The following CYP4Z1 variants were observed in gnomAD, a reference collection of about 807,000 sequenced individuals.
The protein encoded by CYP4Z1 is cytochrome P450 family 4 subfamily Z member 1.
In CYP4Z1, 41 loss-of-function variants were observed where a neutral mutation model predicts 54.2. The observed-to-expected ratio is 0.76, with a 90% confidence interval of 0.59 to 0.98. The LOEUF is 0.98. CYP4Z1 is among the 50% of genes least tolerant of loss of function. CYP4Z1 has a pLI of 0.00. For missense variants in CYP4Z1, 513 were observed against 599.0 expected, an observed-to-expected ratio of 0.86 and a Z score of 1.50; for synonymous variants, 163 against 206.2, an observed-to-expected ratio of 0.79 and a Z score of 1.79.
chr1:47,064,660 C>A (rs1229576670), upstream of CYP4Z1, among the ~76,000 whole-genome samples: 2 of 151,960 alleles, frequency 1.3e-5, no homozygotes, highest in East Asian at 3.9e-4. Flanking sequence ...GTTATTCAGG[C>A]AACAAATAGC....
At chr1:47,066,435 A>G (rs1644451639), upstream of CYP4Z1, among the ~76,000 whole-genome samples, 1 of 152,232 alleles carries the variant, frequency 6.6e-6, no homozygotes, top group Admixed American at 6.5e-5. Flanking sequence ...TCATCTCAAT[A>G]GCTGCAGAAA....
In CYP4Z1 at chr1:47,100,266, A is replaced by G. The variant is rs140792707; in HGVS notation, c.1067+982A>G. On this transcript the variant is annotated intron_variant, in intron 8 of 11. Coordinates refer to ENST00000334194, the MANE Select transcript of CYP4Z1 (RefSeq NM_178134.3). ...CCTATATCCATTCTAGTGTTGATGA[A>G]CATTTAGGCTATTCTCAGGTTTTGT... 4.7e-3 allele frequency among the ~76,000 whole-genome samples: 721 copies of G among 152,278 alleles called. 6 individuals are homozygous for G. The highest frequency in any genetic ancestry group is 0.016 in the African/African-American group (678 of 41,562).
At chr1:47,107,141 A>G (rs536720972) in intron 9 of CYP4Z1, among the ~76,000 whole-genome samples, 7 of 152,344 alleles carry the variant, frequency 4.6e-5, no homozygotes, top group Non-Finnish European at 7.3e-5. Context: ...CTTACTAGGG[A>G]CTAAGCATTG....
chr1:47,058,083 T>G, the CYP4Z1 span, among the ~76,000 whole-genome samples: 1 of 152,188 alleles, frequency 6.6e-6, no homozygotes, highest in African/African-American at 2.4e-5. Context: ...TGAATCAAAT[T>G]AACTTACTGT....
chr1:47,057,335 A>AAAAAAAAAAAAT, the CYP4Z1 span, among the ~76,000 whole-genome samples: 122 of 28,410 alleles, frequency 4.3e-3, 2 homozygotes, highest in Non-Finnish European at 7.2e-3. Flanking sequence ...AAGAAAAAAA[A>AAAAAAAAAAAAT]ATATATATAT....
the CYP4Z1 span, among the ~76,000 whole-genome samples, chr1:47,058,164 G>A: frequency 1.3e-5 from 2 of 152,028 alleles, no homozygotes; most frequent in African/African-American, 4.8e-5. Context: ...TTCTCTCTAT[G>A]AAATAAATTA....
At position 47,068,865 on chromosome 1, in the gene CYP4Z1, T is replaced by C. The variant is rs1644471830; in HGVS notation, c.319+102T>C. 2.8e-6 allele frequency: 4 copies of C among 1,446,368 alleles called. No homozygotes were observed. In the Admixed American group the frequency reaches 8.8e-5, roughly 32 times the overall value. 89.6% of individuals were successfully genotyped at this position (1,446,368 alleles called of 1,614,324 possible). On this transcript the variant is annotated intron_variant, in intron 2 of 11. Coordinates refer to ENST00000334194, the MANE Select transcript of CYP4Z1 (RefSeq NM_178134.3). ...CAGGTTGAAGCATTTTTAAGGGAAA[T>C]CCATCATTTGATATGTTGAAGGGAA...
chr1:47,110,929 A>G (rs1644788197), intron 9 of CYP4Z1, among the ~76,000 whole-genome samples: 1 of 151,618 alleles, frequency 6.6e-6, no homozygotes, highest in Non-Finnish European at 1.5e-5. Context: ...TATGTGGATT[A>G]ATCACTTAGG....
intron 6 of CYP4Z1, among the ~76,000 whole-genome samples, chr1:47,092,428 G>C (rs1375111064): frequency 6.6e-6 from 1 of 151,672 alleles, no homozygotes; most frequent in Admixed American, 6.6e-5. Flanking sequence ...TTCTAGTACA[G>C]CCTCTCTCAG....
chr1:47,083,281 T>C (rs1377594705), intron 4 of CYP4Z1, among the ~76,000 whole-genome samples: 2 of 152,172 alleles, frequency 1.3e-5, no homozygotes, highest in Non-Finnish European at 2.9e-5. Context: ...GTGTGCCATG[T>C]TGTTATCCTT....
At chr1:47,078,372 ATTTG>A (rs1455832990) in intron 2 of CYP4Z1, among the ~76,000 whole-genome samples, 1 of 151,468 alleles carries the variant, frequency 6.6e-6, no homozygotes, top group Non-Finnish European at 1.5e-5. Context: ...CTAGAACTTT[ATTTG>A]TTTCTGTTTA....
chr1:47,090,331 A>C (rs1644630488), intron 6 of CYP4Z1, among the ~76,000 whole-genome samples: 1 of 152,232 alleles, frequency 6.6e-6, no homozygotes, highest in African/African-American at 2.4e-5. Flanking sequence ...ATTAGGCAAG[A>C]TATTACAGCA....
chr1:47,090,783 T>G (rs1644633066), intron 6 of CYP4Z1, among the ~76,000 whole-genome samples: 2 of 149,378 alleles, frequency 1.3e-5, no homozygotes, highest in African/African-American at 5.0e-5. Flanking sequence ...GAGTGTGATG[T>G]ATCCAGGAGT....
At chr1:47,114,707 A>C (rs912616809) in intron 9 of CYP4Z1, among the ~76,000 whole-genome samples, 1 of 152,236 alleles carries the variant, frequency 6.6e-6, no homozygotes, top group African/African-American at 2.4e-5. Context: ...GCTCATCATC[A>C]CTGGCCATCA....
chr1:47,056,372 G>A, the CYP4Z1 span, among the ~76,000 whole-genome samples: 1 of 152,130 alleles, frequency 6.6e-6, no homozygotes, highest in Non-Finnish European at 1.5e-5. Context: ...GGTGTGGTGT[G>A]GTGCTGAAAA....
chr1:47,091,783 A>G (rs1300911056), intron 6 of CYP4Z1, among the ~76,000 whole-genome samples: 1 of 149,644 alleles, frequency 6.7e-6, no homozygotes, highest in African/African-American at 2.4e-5. Flanking sequence ...AGCTGTTATG[A>G]CGATGGTTTG....
rs745383860 is a variant in CYP4Z1, at chr1:47,106,111, C to T, written c.1068-17C>T. 1 of 1,606,742 alleles carries T rather than the reference C, an allele frequency of 6.2e-7. No homozygotes were observed. Among genetic ancestry groups the T allele is most frequent in the Non-Finnish European group, 8.5e-7 (1 of 1,178,042 alleles). On this transcript the variant is annotated splice_polypyrimidine_tract_variant and intron_variant, in intron 8 of 11. Transcript: ENST00000334194. ...TGACTACTCCTCCTTTTCCTTTCCT[C>T]CTGTGCTTCTACCCAGGGAACACCT...
chr1:47,109,344 G>C (rs1644777457), intron 9 of CYP4Z1, among the ~76,000 whole-genome samples: 2 of 152,296 alleles, frequency 1.3e-5, no homozygotes, highest in South Asian at 4.1e-4. Flanking sequence ...AAGACTTGCA[G>C]AGAGTAGAGG....
At chr1:47,078,091 A>T (rs1349886631) in intron 2 of CYP4Z1, among the ~76,000 whole-genome samples, 4 of 152,166 alleles carry the variant, frequency 2.6e-5, no homozygotes, top group Admixed American at 6.5e-5. Flanking sequence ...AATATCTTAA[A>T]GCTATTGGAA....
Sources: gnomAD v4.1 joint callset for allele counts (sites outside exome capture counted in the v4.1 genomes callset) on GRCh38, gnomAD v4.1.1 for gene constraint, MANE v1.5 for transcripts, NCBI Gene and HGNC (gene_info 2026-07-23, HGNC 2026-07-21) for gene names.